Variants in STPG2 observed in about 807,000 individuals in gnomAD.
STPG2 encodes sperm-tail PG-rich repeat-containing protein 2.
A neutral mutation model predicts 54.2 loss-of-function variants in STPG2; 56 were observed. The observed-to-expected ratio is 1.03, with a 90% confidence interval of 0.83 to 1.29. The LOEUF (loss-of-function observed/expected upper bound fraction) is 1.29. STPG2 is among the 50% of genes most tolerant of loss of function. The pLI is 0.00. For missense variants in STPG2, 596 were observed against 544.9 expected (o/e 1.09, Z -0.93); for synonymous variants, 200 against 181.8 (o/e 1.10, Z -0.81).
intron 9 of STPG2, among the ~76,000 whole-genome samples, chr4:97,839,684 A>G (rs1728739827): frequency 6.6e-6 from 1 of 151,618 alleles, no homozygotes. Context: ...GAAGAAAAAG[A>G]AAATAAAAAG....
At chr4:97,515,693 GGTACTT>G (rs538794915) in intron 4 of STPG2, among the ~76,000 whole-genome samples, 8 of 151,852 alleles carry the variant, frequency 5.3e-5, no homozygotes, top group Non-Finnish European at 1.2e-4. Context: ...TTTTAAAAAA[GGTACTT>G]GTACTACTGA....
At chr4:98,095,647 C>A (rs943120113) in intron 5 of STPG2, among the ~76,000 whole-genome samples, 1 of 152,124 alleles carries the variant, frequency 6.6e-6, no homozygotes, top group Non-Finnish European at 1.5e-5. Context: ...ATGTGCCCAA[C>A]ATGGGAGAAC....
intron 3 of STPG2, among the ~76,000 whole-genome samples, chr4:98,124,142 C>A (rs946542475): frequency 2.6e-5 from 4 of 152,144 alleles, no homozygotes; most frequent in African/African-American, 9.7e-5. Flanking sequence ...GCCTGCTATT[C>A]TGTGTCTTTT....
intron 5 of STPG2, among the ~76,000 whole-genome samples, chr4:98,078,025 T>C (rs1738226968): frequency 7.3e-6 from 1 of 137,800 alleles, no homozygotes; most frequent in Non-Finnish European, 1.6e-5. Context: ...GACTGTCATT[T>C]CAAATATGAT....
chr4:97,861,686 C>T (rs529750377), intron 8 of STPG2, among the ~76,000 whole-genome samples: 1 of 152,120 alleles, frequency 6.6e-6, no homozygotes, highest in East Asian at 1.9e-4. Context: ...GGTCGGGTTA[C>T]CCACAAAGAG....
intron 9 of STPG2, among the ~76,000 whole-genome samples, chr4:97,785,853 T>A (rs1726805360): frequency 6.6e-6 from 1 of 151,300 alleles, no homozygotes; most frequent in African/African-American, 2.4e-5. Context: ...AAAAAAACTA[T>A]ATGAGTTTAA....
intron 10 of STPG2, among the ~76,000 whole-genome samples, chr4:97,708,430 C>T (rs1459804376): frequency 6.6e-6 from 1 of 151,796 alleles, no homozygotes; most frequent in African/African-American, 2.4e-5. Flanking sequence ...ATGGCTGGCA[C>T]CACTCTTTGA....
intron 4 of STPG2, among the ~76,000 whole-genome samples, chr4:97,529,521 CT>C (rs1359856676): frequency 5.3e-5 from 8 of 152,192 alleles, no homozygotes; most frequent in South Asian, 2.1e-4. Flanking sequence ...AGGAGTCCCT[CT>C]TTTTCTATTG....
At chr4:98,005,085 A>G (rs1560631539) in intron 5 of STPG2, among the ~76,000 whole-genome samples, 1 of 152,178 alleles carries the variant, frequency 6.6e-6, no homozygotes, top group African/African-American at 2.4e-5. Context: ...ACCAAGGTCA[A>G]TAACCTGAAG....
At chr4:97,844,707 G>T (rs1022254356) in intron 8 of STPG2, among the ~76,000 whole-genome samples, 3 of 151,786 alleles carry the variant, frequency 2.0e-5, no homozygotes, top group South Asian at 2.1e-4. Flanking sequence ...GGATATAGTG[G>T]TTTTTTTTAT....
downstream of STPG2, among the ~76,000 whole-genome samples, chr4:97,557,850 A>G (rs1208677380): frequency 2.0e-5 from 3 of 152,198 alleles, no homozygotes; most frequent in African/African-American, 7.2e-5. Context: ...GCATTAGCAG[A>G]TACTAAGAGT....
chr4:97,668,743 T>C (rs1294030760), intron 10 of STPG2, among the ~76,000 whole-genome samples: 2 of 113,010 alleles, frequency 1.8e-5, no homozygotes, highest in African/African-American at 3.5e-5. Context: ...TCAGGATTTC[T>C]AATTTGAAAT....
At chr4:98,103,933 T>G (rs1339872581) in intron 5 of STPG2, among the ~76,000 whole-genome samples, 1 of 152,138 alleles carries the variant, frequency 6.6e-6, no homozygotes, top group Non-Finnish European at 1.5e-5. Flanking sequence ...TAATTTCTAT[T>G]ACAAATTCTA....
chr4:97,602,688 T>C (rs1474635509), intron 10 of STPG2, among the ~76,000 whole-genome samples: 1 of 151,750 alleles, frequency 6.6e-6, no homozygotes, highest in Non-Finnish European at 1.5e-5. Context: ...TCTACTGAGA[T>C]TATTGCATGA....
downstream of STPG2, among the ~76,000 whole-genome samples, chr4:97,555,370 G>A (rs1263889187): frequency 1.3e-5 from 2 of 151,926 alleles, no homozygotes; most frequent in Non-Finnish European, 2.9e-5. Context: ...CAAAGAACTG[G>A]GAGGAGAAAA....
intron 9 of STPG2, among the ~76,000 whole-genome samples, chr4:97,756,825 G>A (rs1578538136): frequency 6.6e-6 from 1 of 150,818 alleles, no homozygotes; most frequent in Non-Finnish European, 1.5e-5. Flanking sequence ...GTGGTAAAAA[G>A]GTAAAACATA....
intron 5 of STPG2, among the ~76,000 whole-genome samples, chr4:98,072,304 A>G (rs1169148002): frequency 6.6e-6 from 1 of 152,188 alleles, no homozygotes; most frequent in Admixed American, 6.5e-5. Context: ...AAACTAACAC[A>G]AGAACAGAAT....
intron 8 of STPG2, among the ~76,000 whole-genome samples, chr4:97,864,107 G>T (rs948896220): frequency 1.3e-5 from 2 of 152,116 alleles, no homozygotes; most frequent in Non-Finnish European, 2.9e-5. Context: ...GGGCAATCAG[G>T]CAGGAGAAAG....
chr4:97,915,864 C>T (rs761843090), intron 8 of STPG2, among the ~76,000 whole-genome samples: 5 of 151,988 alleles, frequency 3.3e-5, no homozygotes, highest in Non-Finnish European at 7.4e-5. Context: ...AGCTATGCTT[C>T]GGGAAGATCA....
Sources: allele counts gnomAD v4.1 joint callset (sites outside exome capture counted in the v4.1 genomes callset), GRCh38; gene constraint gnomAD v4.1.1; transcripts MANE v1.5; gene names NCBI Gene and HGNC (gene_info 2026-07-23, HGNC 2026-07-21).